The following SKAP2 variants were observed in gnomAD, a reference collection of about 807,000 sequenced individuals.
The protein encoded by SKAP2 is src kinase-associated phosphoprotein 2.
SKAP2 carries 28 observed loss-of-function variants against 54.9 expected under a neutral mutation model. The ratio of observed to expected loss-of-function variants is 0.51; its 90% CI spans 0.38 to 0.70. The LOEUF (loss-of-function observed/expected upper bound fraction) is 0.70. Ranked by LOEUF, SKAP2 falls within the 30% of genes least tolerant of loss-of-function variation. The pLI, the probability that SKAP2 is intolerant of heterozygous loss-of-function variation, is 0.00. For synonymous variants in SKAP2, 137 were observed against 134.3 expected (o/e 1.02, Z -0.14); for missense variants, 356 against 424.1 (o/e 0.84, Z 1.41).
chr7:26,855,000 T>C (rs1473404499), intron 1 of SKAP2, 110 bp from the exon 2 acceptor site: 3 of 690,328 alleles, frequency 4.3e-6, no homozygotes, highest in Non-Finnish European at 4.6e-6. Context: ...ACCTGTACAA[T>C]TTGTTATAGT....
At chr7:26,724,213 A>G (rs999649397) in intron 9 of SKAP2, among the ~76,000 whole-genome samples, 1 of 152,206 alleles carries the variant, frequency 6.6e-6, no homozygotes, top group African/African-American at 2.4e-5. Context: ...TTAGAAAACC[A>G]TTACTGTACC....
At chr7:26,802,173 G>C (rs941120576) in intron 4 of SKAP2, among the ~76,000 whole-genome samples, 1 of 150,236 alleles carries the variant, frequency 6.7e-6, no homozygotes, top group African/African-American at 2.4e-5. Flanking sequence ...CAATGGAACA[G>C]ATTAAAGAAC....
rs776308504 is a variant in SKAP2, at chr7:26,670,113, A to T, written c.1067T>A (p.Met356Lys). ...TACCCAGGACTCTCAAATATCATAC[A>T]TCTCCATTATGTAGGCTTTAGGCAC... The part of the protein sequence containing the change: ...GLVPKAYIME[M>K]YDI The change falls in exon 12 of 13, where the codon ATG becomes AAG. Residue 356 changes from methionine to lysine, a missense_variant. By Grantham distance (95) the Met-to-Lys change is moderately conservative. Coordinates refer to ENST00000345317, the MANE Select transcript of SKAP2 (RefSeq NM_003930.5). 2 of 1,487,592 alleles carry T rather than the reference A, an allele frequency of 1.3e-6. No homozygotes were observed. The highest frequency in any genetic ancestry group is 9.4e-7 in the Non-Finnish European group (1 of 1,064,702). The allele number at this position is 1,487,592 out of a possible 1,614,324, so 92.1% of individuals were successfully genotyped here.
At chr7:26,858,408 T>C (rs1785217901) in intron 1 of SKAP2, among the ~76,000 whole-genome samples, 1 of 152,190 alleles carries the variant, frequency 6.6e-6, no homozygotes, top group Non-Finnish European at 1.5e-5. Context: ...TGTAAGGATC[T>C]GGGGGAGAAG....
chr7:26,783,799 G>C (rs1199090841), intron 4 of SKAP2, among the ~76,000 whole-genome samples: 15 of 152,040 alleles, frequency 9.9e-5, no homozygotes, highest in Admixed American at 9.2e-4. Flanking sequence ...TTGTGAGGTG[G>C]GGGGAGCGGG....
At chr7:26,737,233 C>T (rs568432779) in intron 6 of SKAP2, among the ~76,000 whole-genome samples, 1 of 152,128 alleles carries the variant, frequency 6.6e-6, no homozygotes, top group Non-Finnish European at 1.5e-5. Context: ...CAATATCATA[C>T]AAAACTATAT....
In SKAP2 at chr7:26,667,894, G is replaced by A. The variant is rs191244740; in HGVS notation, c.*1772C>T. 1.3e-5 allele frequency: 2 copies of A among 152,132 alleles called. No homozygotes were observed. Among genetic ancestry groups the A allele is most frequent in the South Asian group, 2.1e-4 (1 of 4,832 alleles). The allele number at this position is 152,132 out of a possible 1,614,324, so 9.4% of individuals were successfully genotyped here. Reference sequence around the variant, plus strand: ...TTTTGAAAACCAGTCCACTAAAGTCGTCTTTGGTTGTCTAACTTTTGCCAA... The same window carrying A: ...TTTTGAAAACCAGTCCACTAAAGTCATCTTTGGTTGTCTAACTTTTGCCAA... On this transcript the variant is annotated 3_prime_UTR_variant, in exon 13 of 13. Coordinates refer to ENST00000345317, the MANE Select transcript of SKAP2 (RefSeq NM_003930.5).
intron 6 of SKAP2, among the ~76,000 whole-genome samples, chr7:26,735,314 C>T (rs971042735): frequency 3.3e-5 from 5 of 152,152 alleles, no homozygotes; most frequent in East Asian, 1.9e-4. Context: ...ATAAGACTCA[C>T]GACAATCAAA....
At chr7:26,699,603 CT>C in intron 9 of SKAP2, among the ~76,000 whole-genome samples, 1 of 151,886 alleles carries the variant, frequency 6.6e-6, no homozygotes, top group African/African-American at 2.4e-5. Context: ...ATTTTTTAAT[CT>C]AATAAAATTT....
intron 4 of SKAP2, among the ~76,000 whole-genome samples, chr7:26,768,343 CTA>C (rs1319050849): frequency 6.7e-6 from 1 of 149,334 alleles, no homozygotes; most frequent in Non-Finnish European, 1.5e-5. Context: ...TATTTTGACT[CTA>C]TTTGTGTCTT....
At chr7:26,675,920 C>T (rs1786340836) in intron 11 of SKAP2, among the ~76,000 whole-genome samples, 1 of 152,176 alleles carries the variant, frequency 6.6e-6, no homozygotes, top group South Asian at 2.1e-4. Context: ...CAGGGACCAA[C>T]TAATTCCAGT....
chr7:26,727,094 GA>G, intron 6 of SKAP2, 88 bp from the exon 7 acceptor site: 1 of 1,119,522 alleles, frequency 8.9e-7, no homozygotes, highest in East Asian at 2.6e-5. Flanking sequence ...TCAATTCTTG[GA>G]AATAACATTT....
intron 9 of SKAP2, among the ~76,000 whole-genome samples, chr7:26,696,333 T>C (rs1786895029): frequency 6.6e-6 from 1 of 152,192 alleles, no homozygotes; most frequent in African/African-American, 2.4e-5. Flanking sequence ...GAGTCATGTT[T>C]ACTCTTATGG....
At chr7:26,846,021 T>C (rs1276847320) in intron 3 of SKAP2, among the ~76,000 whole-genome samples, 2 of 152,210 alleles carry the variant, frequency 1.3e-5, no homozygotes, top group Non-Finnish European at 2.9e-5. Context: ...AAACATATTT[T>C]GATCATGTTA....
chr7:26,691,963 G>C (rs1429782389), intron 9 of SKAP2, among the ~76,000 whole-genome samples: 2 of 152,090 alleles, frequency 1.3e-5, no homozygotes, highest in Non-Finnish European at 2.9e-5. Context: ...GGCAATAAGA[G>C]CCTTCGAAGG....
At chr7:26,784,389 T>C (rs1051441681) in intron 4 of SKAP2, among the ~76,000 whole-genome samples, 4 of 152,196 alleles carry the variant, frequency 2.6e-5, no homozygotes, top group South Asian at 2.1e-4. Context: ...TGAGAGTATT[T>C]ACACAATGGA....
chr7:26,680,794 T>C (rs894281610), intron 11 of SKAP2, among the ~76,000 whole-genome samples: 8 of 152,194 alleles, frequency 5.3e-5, no homozygotes, highest in African/African-American at 1.9e-4. Flanking sequence ...TGCTGGACAC[T>C]TTGAAGGAGG....
At chr7:26,851,484 C>T (rs1209115610) in intron 3 of SKAP2, among the ~76,000 whole-genome samples, 4 of 151,646 alleles carry the variant, frequency 2.6e-5, no homozygotes, top group African/African-American at 7.3e-5. Flanking sequence ...CCAAACACCG[C>T]GTGTTCTCAC....
At chr7:26,734,987 T>C (rs1005265722) in intron 6 of SKAP2, among the ~76,000 whole-genome samples, 5 of 152,202 alleles carry the variant, frequency 3.3e-5, no homozygotes, top group African/African-American at 1.2e-4. Context: ...ACATCTTCCC[T>C]AACTTCCCTA....
Sources: gnomAD v4.1 joint callset for allele counts (sites outside exome capture counted in the v4.1 genomes callset) on GRCh38, gnomAD v4.1.1 for gene constraint, MANE v1.5 for transcripts, NCBI Gene and HGNC (gene_info 2026-07-23, HGNC 2026-07-21) for gene names.